The following PPP1R1C variants were observed in gnomAD, a reference collection of about 807,000 sequenced individuals.
PPP1R1C encodes protein phosphatase 1 regulatory subunit 1C.
In PPP1R1C, 15 loss-of-function variants were observed where a neutral mutation model predicts 17.4. The observed-to-expected ratio is 0.86, with a 90% CI of 0.58 to 1.33. PPP1R1C has a LOEUF of 1.33. Ranked by LOEUF, PPP1R1C falls within the 40% of genes most tolerant of loss-of-function variation. The probability of loss-of-function intolerance (pLI) is 0.00; values close to 1 mark genes in which losing one functional copy is unlikely to be tolerated. For missense variants in PPP1R1C, 143 were observed against 130.0 expected, an observed-to-expected ratio of 1.10 and a Z score of -0.48; for synonymous variants, 35 against 43.1, an observed-to-expected ratio of 0.81 and a Z score of 0.73.
At chr2:182,072,326 C>G (rs549202419) in intron 4 of PPP1R1C, among the ~76,000 whole-genome samples, 1 of 152,336 alleles carries the variant, frequency 6.6e-6, no homozygotes, top group East Asian at 1.9e-4. Context: ...TAATAATAGA[C>G]TGGCAGCCTT....
chr2:182,088,548 G>T (rs1046797570), intron 4 of PPP1R1C, among the ~76,000 whole-genome samples: 3 of 152,178 alleles, frequency 2.0e-5, no homozygotes, highest in African/African-American at 7.2e-5. Context: ...TAGCAGTCAA[G>T]GCGATGGGGA....
At chr2:182,064,005 A>G (rs1257612660) in intron 4 of PPP1R1C, 1 of 451,750 alleles carries the variant, frequency 2.2e-6, no homozygotes, top group Non-Finnish European at 3.9e-6. Context: ...TAGTGATCTC[A>G]GAATTTCAGT....
chr2:182,042,025 C>T (rs1162169263), intron 2 of PPP1R1C, among the ~76,000 whole-genome samples: 21 of 151,930 alleles, frequency 1.4e-4, no homozygotes, highest in South Asian at 1.0e-3. Context: ...TTTCCTTTTC[C>T]GTGTATGTAG....
At chr2:182,073,984 A>G (rs1169159352) in intron 4 of PPP1R1C, among the ~76,000 whole-genome samples, 1 of 151,786 alleles carries the variant, frequency 6.6e-6, no homozygotes, top group Admixed American at 6.5e-5. Flanking sequence ...ATTTCTTGTG[A>G]GTGCTTTGAA....
At chr2:182,093,630 T>A (rs1301863927) in intron 4 of PPP1R1C, among the ~76,000 whole-genome samples, 1 of 152,226 alleles carries the variant, frequency 6.6e-6, no homozygotes, top group Non-Finnish European at 1.5e-5. Context: ...AATGCTTTGC[T>A]GCTTAGAAAT....
At chr2:181,982,784 T>C (rs1685217009), upstream of PPP1R1C, among the ~76,000 whole-genome samples, 1 of 152,156 alleles carries the variant, frequency 6.6e-6, no homozygotes, top group Admixed American at 6.5e-5. Context: ...TAGGGCAAGA[T>C]AGATATTATA....
chr2:182,030,771 C>T (rs1478197466), intron 2 of PPP1R1C: 2 of 154,592 alleles, frequency 1.3e-5, no homozygotes, highest in Admixed American at 1.3e-4. Flanking sequence ...GCTTTGTTTA[C>T]CTAAGCAAGC....
intron 4 of PPP1R1C, among the ~76,000 whole-genome samples, chr2:182,106,773 C>T (rs537502792): frequency 1.3e-5 from 2 of 152,248 alleles, no homozygotes; most frequent in Admixed American, 6.5e-5. Context: ...ACTAAAAAAG[C>T]ACACTGTAAT....
chr2:182,031,065 T>A (rs571860378), intron 2 of PPP1R1C: 1 of 154,054 alleles, frequency 6.5e-6, no homozygotes, highest in South Asian at 2.0e-4. Flanking sequence ...CTCACCCTGC[T>A]TCGGCTTGCG....
At chr2:182,055,614 T>C (rs190133565) in intron 2 of PPP1R1C, among the ~76,000 whole-genome samples, 71 of 152,330 alleles carry the variant, frequency 4.7e-4, no homozygotes, top group South Asian at 1.9e-3. Context: ...TATTTCTCTT[T>C]CATTCCTAAA....
intron 2 of PPP1R1C, among the ~76,000 whole-genome samples, chr2:182,013,805 T>C (rs2125157623): frequency 6.6e-6 from 1 of 152,328 alleles, no homozygotes; most frequent in South Asian, 2.1e-4. Context: ...GCTTGATCAG[T>C]TCTGCTATTA....
chr2:182,067,710 A>G (rs373421942), intron 4 of PPP1R1C, among the ~76,000 whole-genome samples: 1 of 152,228 alleles, frequency 6.6e-6, no homozygotes, highest in East Asian at 1.9e-4. Flanking sequence ...AATATGCTGG[A>G]TGTATTTGGG....
intron 4 of PPP1R1C, among the ~76,000 whole-genome samples, chr2:182,112,114 C>A (rs984229086): frequency 2.0e-5 from 3 of 152,256 alleles, no homozygotes; most frequent in Admixed American, 2.0e-4. Context: ...CACACCATCG[C>A]CTTTTGGCTG....
chr2:182,017,021 G>A (rs968141134), intron 2 of PPP1R1C, among the ~76,000 whole-genome samples: 3 of 152,156 alleles, frequency 2.0e-5, no homozygotes, highest in Non-Finnish European at 4.4e-5. Flanking sequence ...ATTCATGACA[G>A]TATATAGTTT....
At chr2:182,113,314 T>G (rs753723409) in intron 4 of PPP1R1C, among the ~76,000 whole-genome samples, 1 of 152,248 alleles carries the variant, frequency 6.6e-6, no homozygotes, top group Non-Finnish European at 1.5e-5. Flanking sequence ...CCTTTTCCAG[T>G]ATTTTAGGAA....
intron 4 of PPP1R1C, among the ~76,000 whole-genome samples, chr2:182,081,105 C>A (rs980231296): frequency 2.6e-5 from 4 of 152,132 alleles, no homozygotes; most frequent in African/African-American, 4.8e-5. Context: ...GGTTTGATTG[C>A]ATTTTAACAA....
chr2:182,063,826 T>G, intron 4 of PPP1R1C, 35 bp downstream of exon 4: 1 of 1,539,378 alleles, frequency 6.5e-7, no homozygotes, highest in Non-Finnish European at 9.0e-7. Flanking sequence ...TTGTCATGAG[T>G]GGTGAATCAT....
chr2:182,035,139 T>A (rs976576243), intron 2 of PPP1R1C, among the ~76,000 whole-genome samples: 1 of 152,228 alleles, frequency 6.6e-6, no homozygotes, highest in African/African-American at 2.4e-5. Context: ...TAGTCTTGAC[T>A]GTGAATCTGG....
chr2:181,983,472 A>T (rs1210189223), upstream of PPP1R1C, among the ~76,000 whole-genome samples: 2 of 152,226 alleles, frequency 1.3e-5, no homozygotes, highest in Non-Finnish European at 2.9e-5. Flanking sequence ...TCTAATAGGG[A>T]TAAAAAAATG....
Sources: gnomAD v4.1 joint callset for allele counts (sites outside exome capture counted in the v4.1 genomes callset) on GRCh38, gnomAD v4.1.1 for gene constraint, MANE v1.5 for transcripts, NCBI Gene and HGNC (gene_info 2026-07-23, HGNC 2026-07-21) for gene names.